CTNNA2: variants seen among roughly 807,000 people sequenced by gnomAD.
CTNNA2 encodes the protein catenin alpha 2.
CTNNA2 carries 42 observed loss-of-function variants against 101.0 expected under a neutral mutation model. That is an observed-to-expected ratio of 0.42 (90% CI 0.32 to 0.54). CTNNA2 has a LOEUF of 0.54. Ranked by LOEUF, CTNNA2 falls within the 20% of genes least tolerant of loss-of-function variation. The pLI, the probability that CTNNA2 is intolerant of heterozygous loss-of-function variation, is 0.14. For synonymous variants in CTNNA2, 450 were observed against 456.4 expected (o/e 0.99, Z 0.18); for missense variants, 871 against 1,223.1 (o/e 0.71, Z 4.29).
At chr2:79,937,244 T>C (rs575441822) in intron 7 of CTNNA2, among the ~76,000 whole-genome samples, 1 of 152,350 alleles carries the variant, frequency 6.6e-6, no homozygotes, top group African/African-American at 2.4e-5. Context: ...CATTCTAAGT[T>C]AGGGTTTTCT....
intron 7 of CTNNA2, among the ~76,000 whole-genome samples, chr2:80,106,162 CACAGCCACTGATCGTGCCTCT>C (rs958236724): frequency 6.6e-6 from 1 of 152,142 alleles, no homozygotes; most frequent in Non-Finnish European, 1.5e-5. Context: ...GCAGCACAGG[CACAGCCACTGATCGTGCCTCT>C]ACACACGTCA....
chr2:79,689,826 A>G (rs1294980911), intron 2 of CTNNA2, among the ~76,000 whole-genome samples: 1 of 152,054 alleles, frequency 6.6e-6, no homozygotes, highest in East Asian at 1.9e-4. Flanking sequence ...TAATAATTCA[A>G]TGATTTGAAT....
intron 7 of CTNNA2, among the ~76,000 whole-genome samples, chr2:80,171,989 G>A (rs1456101193): frequency 1.3e-5 from 2 of 152,130 alleles, no homozygotes; most frequent in African/African-American, 2.4e-5. Context: ...CAAATAATGA[G>A]GGAAAGCAAA....
chr2:79,578,419 G>A (rs1447957656), intron 1 of CTNNA2, among the ~76,000 whole-genome samples: 1 of 152,026 alleles, frequency 6.6e-6, no homozygotes, highest in Non-Finnish European at 1.5e-5. Flanking sequence ...CCTTTTGTGG[G>A]TTTCTTTTTC....
At chr2:80,015,666 T>C (rs979910892) in intron 7 of CTNNA2, among the ~76,000 whole-genome samples, 6 of 152,204 alleles carry the variant, frequency 3.9e-5, no homozygotes, top group Admixed American at 6.5e-5. Flanking sequence ...TCAATATTCT[T>C]ATCTATAAAT....
intron 7 of CTNNA2, among the ~76,000 whole-genome samples, chr2:80,105,582 C>T (rs1700831435): frequency 1.3e-5 from 2 of 151,980 alleles, no homozygotes; most frequent in South Asian, 2.1e-4. Flanking sequence ...ACAACAGCAA[C>T]AAAAATAGCC....
At position 80,641,455 on chromosome 2, in the gene CTNNA2, G is replaced by A. The variant is rs561918662; in HGVS notation, c.2575-6130G>A. 3.9e-5 allele frequency among the ~76,000 whole-genome samples: 6 copies of A among 152,210 alleles called. No homozygotes were observed. The East Asian group carries it at 9.6e-4, about 24-fold the overall frequency. Reference sequence around the variant, plus strand: ...TAAATATATGAATTCAGAACACACAGTCAAATCCTAATTCTCTTCTTTAAT... The same window carrying A: ...TAAATATATGAATTCAGAACACACAATCAAATCCTAATTCTCTTCTTTAAT... On this transcript the variant is annotated intron_variant, in intron 18 of 18. Coordinates refer to ENST00000402739, the MANE Select transcript of CTNNA2 (RefSeq NM_001282597.3).
intron 7 of CTNNA2, among the ~76,000 whole-genome samples, chr2:80,194,718 A>C (rs1317648395): frequency 6.7e-6 from 1 of 150,286 alleles, no homozygotes; most frequent in Non-Finnish European, 1.5e-5. Context: ...CCCGTGTGTC[A>C]CTATACATAC....
chr2:79,279,115 A>G (rs571787240), intron 2 of CTNNA2, among the ~76,000 whole-genome samples: 226 of 152,270 alleles, frequency 1.5e-3, no homozygotes, highest in Non-Finnish European at 2.6e-3. Context: ...TTTGAATAAT[A>G]TAATTTTGAA....
At chr2:80,044,706 G>T (rs992135692) in intron 7 of CTNNA2, among the ~76,000 whole-genome samples, 2 of 151,964 alleles carry the variant, frequency 1.3e-5, no homozygotes, top group African/African-American at 4.8e-5. Context: ...TTCTCTTACT[G>T]CCCCATAAGA....
intron 7 of CTNNA2, among the ~76,000 whole-genome samples, chr2:80,285,188 C>G (rs1159865487): frequency 6.6e-6 from 1 of 152,152 alleles, no homozygotes; most frequent in African/African-American, 2.4e-5. Flanking sequence ...TGGCAGCAGA[C>G]TGCCATCATG....
intron 7 of CTNNA2, among the ~76,000 whole-genome samples, chr2:80,073,680 G>A (rs1293113011): frequency 6.6e-6 from 1 of 151,850 alleles, no homozygotes; most frequent in Non-Finnish European, 1.5e-5. Context: ...AAGTGCCAGT[G>A]TGCAGGCGCT....
chr2:80,144,700 T>C (rs902643913), intron 7 of CTNNA2, among the ~76,000 whole-genome samples: 3 of 152,224 alleles, frequency 2.0e-5, no homozygotes, highest in Non-Finnish European at 2.9e-5. Context: ...TGTCTGTAGT[T>C]GATCAACAGA....
intron 7 of CTNNA2, 117 bp from the exon 8 acceptor site, chr2:80,393,094 A>T: frequency 1.4e-6 from 1 of 711,740 alleles, no homozygotes; most frequent in African/African-American, 1.8e-5. Flanking sequence ...TATTGAAAAT[A>T]ATCTTTTTAA....
chr2:80,021,496 C>A (rs1189124193), intron 7 of CTNNA2, among the ~76,000 whole-genome samples: 1 of 152,096 alleles, frequency 6.6e-6, no homozygotes, highest in Non-Finnish European at 1.5e-5. Flanking sequence ...TTAACAAAGA[C>A]CACCTCAAAG....
chr2:79,961,397 C>T (rs1159841506), intron 7 of CTNNA2, among the ~76,000 whole-genome samples: 5 of 152,148 alleles, frequency 3.3e-5, no homozygotes, highest in African/African-American at 1.2e-4. Context: ...TTACCAGCCT[C>T]ATCAGTCAAG....
intron 12 of CTNNA2, among the ~76,000 whole-genome samples, chr2:80,564,542 G>A (rs1304661632): frequency 1.3e-5 from 2 of 149,512 alleles, no homozygotes; most frequent in East Asian, 3.9e-4. Context: ...CTCCTTCTAG[G>A]CAGTCCTTCT....
chr2:79,361,428 C>G (rs933381899), intron 3 of CTNNA2, among the ~76,000 whole-genome samples: 1 of 152,020 alleles, frequency 6.6e-6, no homozygotes, highest in South Asian at 2.1e-4. Flanking sequence ...ATGGCAACAC[C>G]GATTAGGGTT....
At chr2:79,290,994 C>T (rs1675791045) in intron 2 of CTNNA2, among the ~76,000 whole-genome samples, 1 of 152,186 alleles carries the variant, frequency 6.6e-6, no homozygotes, top group Admixed American at 6.5e-5. Flanking sequence ...AGGCTGTAAA[C>T]ATTCACCCCT....
Sources: gnomAD v4.1 joint callset for allele counts (sites outside exome capture counted in the v4.1 genomes callset) on GRCh38, gnomAD v4.1.1 for gene constraint, MANE v1.5 for transcripts, NCBI Gene and HGNC (gene_info 2026-07-23, HGNC 2026-07-21) for gene names.